Variants in GRIK2 observed in about 807,000 individuals in gnomAD.
GRIK2 encodes glutamate receptor ionotropic, kainate 2.
In GRIK2, 32 loss-of-function variants were observed where a neutral mutation model predicts 100.3. The observed-to-expected ratio is 0.32, with a 90% confidence interval of 0.24 to 0.43. The LOEUF (loss-of-function observed/expected upper bound fraction) is 0.43, where lower values mean the gene tolerates loss of function less well. GRIK2 is among the 20% of genes least tolerant of loss of function. The pLI, the probability that GRIK2 is intolerant of heterozygous loss-of-function variation, is 1.00. For synonymous variants in GRIK2, 417 were observed against 389.4 expected (o/e 1.07, Z -0.83); for missense variants, 843 against 1,114.9 (o/e 0.76, Z 3.47).
intron 13 of GRIK2, among the ~76,000 whole-genome samples, chr6:101,927,115 G>A (rs1789953316): frequency 6.6e-6 from 1 of 152,050 alleles, no homozygotes; most frequent in Admixed American, 6.6e-5. Context: ...TCTGGAGCTG[G>A]AGTTGGCTGT....
At chr6:101,673,837 C>A (rs1034149741) in intron 4 of GRIK2, among the ~76,000 whole-genome samples, 8 of 152,064 alleles carry the variant, frequency 5.3e-5, no homozygotes, top group Non-Finnish European at 1.0e-4. Context: ...ACAGAAACTT[C>A]ATCTGATTTT....
intron 2 of GRIK2, among the ~76,000 whole-genome samples, chr6:101,499,217 TTGATA>T (rs1192294113): frequency 6.6e-6 from 1 of 152,170 alleles, no homozygotes; most frequent in Non-Finnish European, 1.5e-5. Context: ...ACAAAAGACT[TTGATA>T]TGTGATGATG....
At chr6:101,825,288 G>A (rs1385852750) in intron 10 of GRIK2, among the ~76,000 whole-genome samples, 3 of 152,086 alleles carry the variant, frequency 2.0e-5, no homozygotes, top group African/African-American at 7.2e-5. Flanking sequence ...CAGAGATTGT[G>A]CTGGTACTAC....
chr6:101,594,737 T>G (rs1043435449), intron 2 of GRIK2, among the ~76,000 whole-genome samples: 1 of 151,872 alleles, frequency 6.6e-6, no homozygotes, highest in East Asian at 1.9e-4. Flanking sequence ...GCATTTATAG[T>G]GTAAGTGGAT....
chr6:101,894,530 A>G (rs1034994658), intron 12 of GRIK2, among the ~76,000 whole-genome samples: 4 of 151,676 alleles, frequency 2.6e-5, no homozygotes, highest in Admixed American at 6.6e-5. Context: ...GGATGGGTTC[A>G]TGCTTACTCA....
chr6:101,591,347 C>G (rs1383883067), intron 2 of GRIK2, among the ~76,000 whole-genome samples: 5 of 151,302 alleles, frequency 3.3e-5, no homozygotes, highest in Non-Finnish European at 7.4e-5. Context: ...GGTCATGATT[C>G]TTTCCAAGCT....
intron 7 of GRIK2, among the ~76,000 whole-genome samples, chr6:101,697,735 A>G (rs921509337): frequency 6.6e-6 from 1 of 152,082 alleles, no homozygotes; most frequent in African/African-American, 2.4e-5. Context: ...TCTTGAAAAC[A>G]GTCTGCTTAT....
chr6:101,633,589 A>G (rs1044353229), intron 4 of GRIK2, among the ~76,000 whole-genome samples: 4 of 152,174 alleles, frequency 2.6e-5, no homozygotes, highest in Non-Finnish European at 5.9e-5. Flanking sequence ...TAAAGAAATT[A>G]TTAATCTCAC....
chr6:101,969,202 A>T (rs1792883417), intron 14 of GRIK2, among the ~76,000 whole-genome samples: 1 of 151,982 alleles, frequency 6.6e-6, no homozygotes, highest in Non-Finnish European at 1.5e-5. Context: ...TTTTAAATGC[A>T]TGATTGTGGG....
intron 14 of GRIK2, among the ~76,000 whole-genome samples, chr6:101,937,880 T>G (rs2128474676): frequency 6.6e-6 from 1 of 152,242 alleles, no homozygotes; most frequent in African/African-American, 2.4e-5. Context: ...AAATTTGTAC[T>G]TAATTTAAAA....
intron 7 of GRIK2, among the ~76,000 whole-genome samples, chr6:101,755,720 A>C (rs1777096219): frequency 6.6e-6 from 1 of 152,178 alleles, no homozygotes; most frequent in South Asian, 2.1e-4. Context: ...TAAGTTTTTG[A>C]CATTTGGAAC....
chr6:101,601,076 T>A (rs1379592313), intron 2 of GRIK2, among the ~76,000 whole-genome samples: 8 of 151,372 alleles, frequency 5.3e-5, no homozygotes, highest in Non-Finnish European at 7.4e-5. Flanking sequence ...CATAGATGGC[T>A]CTTATTATTT....
intron 14 of GRIK2, among the ~76,000 whole-genome samples, chr6:102,025,904 CT>C (rs1053948441): frequency 1.3e-5 from 2 of 150,398 alleles, no homozygotes; most frequent in African/African-American, 4.9e-5. Flanking sequence ...TAAACTAAAA[CT>C]TTTGTGCCTC....
intron 7 of GRIK2, among the ~76,000 whole-genome samples, chr6:101,771,226 CT>C (rs1410006480): frequency 2.6e-5 from 4 of 151,410 alleles, no homozygotes; most frequent in African/African-American, 4.9e-5. Flanking sequence ...AGTTATCTTT[CT>C]TTTTTTTCTT....
At chr6:101,606,342 G>T (rs150458472) in intron 2 of GRIK2, among the ~76,000 whole-genome samples, 36 of 152,056 alleles carry the variant, frequency 2.4e-4, no homozygotes, top group Admixed American at 5.9e-4. Context: ...AGATTAGATT[G>T]GCAAGGGTCT....
chr6:101,916,308 G>GT (rs1481215599), intron 12 of GRIK2, among the ~76,000 whole-genome samples: 5 of 151,222 alleles, frequency 3.3e-5, no homozygotes, highest in Non-Finnish European at 5.9e-5. Flanking sequence ...CATTTGTGAC[G>GT]TTTTTTGTAT....
At chr6:101,935,505 G>T (rs1790560858) in intron 14 of GRIK2, among the ~76,000 whole-genome samples, 1 of 151,830 alleles carries the variant, frequency 6.6e-6, no homozygotes, top group Admixed American at 6.6e-5. Flanking sequence ...AAGCATAAAG[G>T]TCCATATTTG....
Position 101,851,785 on chromosome 6 carries a change from A to G in GRIK2, c.1318-7502A>G, listed in dbSNP as rs1784143412. ...GCTAATCCCAGTTAACTAAAAAAAAAAAAAGTCATACAACAGGTGTTTAAT... is the reference window on the plus strand; with the variant it reads ...GCTAATCCCAGTTAACTAAAAAAAAGAAAAGTCATACAACAGGTGTTTAAT... On this transcript the variant is annotated intron_variant, in intron 10 of 16. Coordinates refer to ENST00000369134, the MANE Select transcript of GRIK2 (RefSeq NM_021956.5). Among the ~76,000 whole-genome samples the G allele has an allele frequency of 1.3e-5, 2 of 151,948 alleles. 1 individual carries two copies. The highest frequency in any genetic ancestry group is 4.1e-4 in the South Asian group (2 of 4,824).
At chr6:101,441,365 A>C (rs1303510409) in intron 2 of GRIK2, among the ~76,000 whole-genome samples, 3 of 151,740 alleles carry the variant, frequency 2.0e-5, no homozygotes, top group African/African-American at 4.9e-5. Flanking sequence ...CAGTGTAAGT[A>C]AACAAACAAA....
Sources: allele counts gnomAD v4.1 joint callset (sites outside exome capture counted in the v4.1 genomes callset), GRCh38; gene constraint gnomAD v4.1.1; transcripts MANE v1.5; gene names NCBI Gene and HGNC (gene_info 2026-07-23, HGNC 2026-07-21).